ADGRL2: variants seen among roughly 807,000 people sequenced by gnomAD.
The protein encoded by ADGRL2 is adhesion G protein-coupled receptor L2.
Under a neutral mutation model 157.4 loss-of-function variants are expected in ADGRL2, and 44 were observed. The observed-to-expected ratio is 0.28, with a 90% CI of 0.22 to 0.36. The LOEUF (loss-of-function observed/expected upper bound fraction) is 0.36, where lower values mean the gene tolerates loss of function less well. Among genes scored for constraint, ADGRL2 ranks in the 10% least tolerant of loss-of-function variants. The pLI, the probability that ADGRL2 is intolerant of heterozygous loss-of-function variation, is 1.00. For missense variants in ADGRL2, 1,510 were observed against 1,768.9 expected (o/e 0.85, Z 2.63); for synonymous variants, 585 against 624.7 (o/e 0.94, Z 0.95).
chr1:81,445,284 C>T lies in ADGRL2; in HGVS notation c.-248+195C>T, dbSNP rs578117406. Among the ~76,000 whole-genome samples the T allele has an allele frequency of 1.8e-4, 28 of 152,224 alleles. No individual in the cohort carries two copies. In the South Asian group the frequency reaches 5.8e-3, roughly 32 times the overall value. ...AGAAGAAACTACATGTATGGGTTAC[C>T]TCTCTCCATGAGTCAGGTTATTCGT... On this transcript the variant is annotated intron_variant, in intron 2 of 24. Coordinates refer to the ADGRL2 transcript ENST00000370721.
intron 11 of ADGRL2, among the ~76,000 whole-genome samples, chr1:81,959,003 T>C (rs1654492815): frequency 6.6e-6 from 1 of 152,208 alleles, no homozygotes; most frequent in Non-Finnish European, 1.5e-5. Flanking sequence ...GTATTATCCA[T>C]TGTGAAGACA....
intron 2 of ADGRL2, among the ~76,000 whole-genome samples, chr1:81,530,373 G>A (rs957258412): frequency 4.6e-5 from 7 of 151,950 alleles, no homozygotes; most frequent in African/African-American, 1.5e-4. Context: ...TTGAGACAGG[G>A]TCTGGCTCTT....
At chr1:81,718,106 G>A (rs1017316747) in intron 1 of ADGRL2, among the ~76,000 whole-genome samples, 11 of 152,210 alleles carry the variant, frequency 7.2e-5, no homozygotes, top group South Asian at 4.2e-4. Flanking sequence ...TCCAACCTCC[G>A]CCTCTCGGGT....
chr1:81,673,898 C>G (rs1311461870), intron 3 of ADGRL2, among the ~76,000 whole-genome samples: 2 of 152,110 alleles, frequency 1.3e-5, no homozygotes, highest in East Asian at 3.9e-4. Context: ...TGAATCAAAT[C>G]ATTATAATGT....
In ADGRL2 at chr1:81,788,681, G is replaced by T. The variant is rs150823690; in HGVS notation, c.-101+26829G>T. 1.3e-3 allele frequency among the ~76,000 whole-genome samples: 192 copies of T among 152,120 alleles called. 7 individuals carry two copies. The South Asian group carries it at 0.036, about 29-fold the overall frequency. On this transcript the variant is annotated intron_variant, in intron 2 of 20. Transcript: ENST00000359929. ...TATGAGCTAATATACACCAAATGCTGCCAGATCTTTCCATTTTTTCTTCAG... is the reference window on the plus strand; with the variant it reads ...TATGAGCTAATATACACCAAATGCTTCCAGATCTTTCCATTTTTTCTTCAG...
chr1:81,874,936 G>T (rs2093797507), intron 2 of ADGRL2, among the ~76,000 whole-genome samples: 1 of 151,924 alleles, frequency 6.6e-6, no homozygotes, highest in Admixed American at 6.6e-5. Context: ...CAAACTTCTG[G>T]TCTTAGGTGA....
intron 2 of ADGRL2, among the ~76,000 whole-genome samples, chr1:81,844,934 T>C (rs2092727312): frequency 6.6e-6 from 1 of 152,118 alleles, no homozygotes; most frequent in Admixed American, 6.6e-5. Flanking sequence ...TTTGAATGTA[T>C]ATATCTTCAT....
chr1:81,374,580 A>AAAAAAAAAAACAAAAC (rs1413562669), intron 1 of ADGRL2, among the ~76,000 whole-genome samples: 5 of 151,246 alleles, frequency 3.3e-5, no homozygotes, highest in Admixed American at 6.6e-5. Flanking sequence ...TCAAAAAAGA[A>AAAAAAAAAAACAAAAC]AAAAAAAACA....
At chr1:81,333,410 A>AATTAATTT (rs1661409255) in intron 1 of ADGRL2, among the ~76,000 whole-genome samples, 1 of 149,190 alleles carries the variant, frequency 6.7e-6, no homozygotes, top group Non-Finnish European at 1.5e-5. Flanking sequence ...TTAATTAATT[A>AATTAATTT]ATTTATTTAT....
In ADGRL2 at chr1:81,943,632, T is replaced by C; in HGVS notation, c.1073T>C (p.Val358Ala). The C allele has an allele frequency of 1.2e-6, 2 of 1,613,696 alleles. No homozygotes were observed. The highest frequency in any genetic ancestry group is 1.7e-6 in the Non-Finnish European group (2 of 1,179,704). The part of the protein sequence containing the change: ...YNTRLNRGEY[V>A]DVPFPNQYQY... ...ACCCGATTAAACCGAGGAGAATATG[T>C]AGATGTTCCCTTCCCCAACCAGTAT... The change falls in exon 6 of 24, where the codon GTA becomes GCA. Residue 358 changes from valine (V) to alanine (A), a missense_variant. By Grantham distance (64) the Val-to-Ala change is moderately conservative. Around this residue, in one of 4 missense-constraint regions of ADGRL2, gnomAD observed 361 missense variants for 498.4 expected, o/e 0.72. Transcript: ENST00000686636. The surrounding 1 kb of genome is among the most constrained non-coding windows in gnomAD (Gnocchi z 5.6).
At chr1:81,321,873 T>C (rs2100626165) in intron 1 of ADGRL2, among the ~76,000 whole-genome samples, 1 of 150,866 alleles carries the variant, frequency 6.6e-6, no homozygotes, top group Admixed American at 6.6e-5. Flanking sequence ...TGGACCAAAG[T>C]TTGCCACAAA....
intron 1 of ADGRL2, among the ~76,000 whole-genome samples, chr1:81,736,848 T>A (rs761251951): frequency 6.6e-6 from 1 of 152,146 alleles, no homozygotes; most frequent in Non-Finnish European, 1.5e-5. Context: ...CTCACTCTTT[T>A]TTTTGAGACT....
intron 1 of ADGRL2, among the ~76,000 whole-genome samples, chr1:81,400,172 T>G (rs1163637126): frequency 6.6e-6 from 1 of 151,918 alleles, no homozygotes; most frequent in Admixed American, 6.6e-5. Flanking sequence ...TGTTCCCATT[T>G]CCCCCCAGTG....
chr1:81,307,845 GT>G (rs1427364453), intron 1 of ADGRL2, among the ~76,000 whole-genome samples: 4 of 149,268 alleles, frequency 2.7e-5, no homozygotes, highest in South Asian at 2.1e-4. Context: ...GTCTTCTATT[GT>G]AAAAAAAAAT....
At chr1:81,721,945 A>C in intron 1 of ADGRL2, 1 of 647,622 alleles carries the variant, frequency 1.5e-6, no homozygotes. Context: ...GAAGTTGATA[A>C]TGAATGGGTG....
intron 2 of ADGRL2, among the ~76,000 whole-genome samples, chr1:81,535,497 C>T (rs2079713608): frequency 2.0e-5 from 3 of 151,900 alleles, no homozygotes; most frequent in Admixed American, 2.0e-4. Context: ...TTATCAGAGA[C>T]TAAAAACTTA....
intron 17 of ADGRL2, among the ~76,000 whole-genome samples, chr1:81,975,738 T>TG (rs1433096533): frequency 1.3e-5 from 2 of 152,040 alleles, no homozygotes; most frequent in Non-Finnish European, 2.9e-5. Flanking sequence ...AACTCAGACT[T>TG]GCAGCCAGTA....
intron 1 of ADGRL2, among the ~76,000 whole-genome samples, chr1:81,361,845 A>G (rs1368343404): frequency 6.6e-6 from 1 of 151,932 alleles, no homozygotes; most frequent in African/African-American, 2.4e-5. Context: ...AAGAAAATCT[A>G]TTCAGAGACA....
chr1:81,958,057 C>G (rs951340819), intron 11 of ADGRL2, among the ~76,000 whole-genome samples: 20 of 151,866 alleles, frequency 1.3e-4, no homozygotes, highest in African/African-American at 4.6e-4. Context: ...GTCAGGAGTT[C>G]CCAGCCTGCC....
Sources: gnomAD v4.1 joint callset for allele counts (sites outside exome capture counted in the v4.1 genomes callset) on GRCh38, gnomAD v4.1.1 for gene constraint, gnomAD v4.1.1 regional missense constraint, Gnocchi (gnomAD v3.1) non-coding constraint, MANE v1.5 for transcripts, NCBI Gene and HGNC (gene_info 2026-07-23, HGNC 2026-07-21) for gene names.